Variants in DNER observed in about 807,000 individuals in gnomAD.
The protein encoded by DNER is delta/notch like EGF repeat containing, also known as delta and Notch-like epidermal growth factor-related receptor.
Under a neutral mutation model 78.2 loss-of-function variants are expected in DNER, and 33 were observed. That is an observed-to-expected ratio of 0.42 (90% confidence interval 0.32 to 0.56). The LOEUF (loss-of-function observed/expected upper bound fraction) is 0.56. Ranked by LOEUF, DNER falls within the 20% of genes least tolerant of loss-of-function variation. The probability of loss-of-function intolerance (pLI) is 0.11; values close to 1 mark genes in which losing one functional copy is unlikely to be tolerated. For synonymous variants in DNER, 417 were observed against 384.8 expected (o/e 1.08, Z -0.98); for missense variants, 918 against 975.3 (o/e 0.94, Z 0.78).
intron 7 of DNER, among the ~76,000 whole-genome samples, chr2:229,471,845 A>G (rs1694929915): frequency 6.6e-6 from 1 of 152,198 alleles, no homozygotes; most frequent in Non-Finnish European, 1.5e-5. Context: ...ACCTTGTCAA[A>G]AGAGGTAGGT....
chr2:229,442,111 A>G (rs1320890297), intron 8 of DNER, among the ~76,000 whole-genome samples: 1 of 152,196 alleles, frequency 6.6e-6, no homozygotes, highest in Non-Finnish European at 1.5e-5. Context: ...GAAGGACATG[A>G]GGGCAGGATT....
At chr2:229,359,969 A>G (rs1692176270) in intron 12 of DNER, among the ~76,000 whole-genome samples, 3 of 152,246 alleles carry the variant, frequency 2.0e-5, no homozygotes, top group African/African-American at 7.2e-5. Flanking sequence ...AAAGACTTCA[A>G]TAAATACTTT....
At chr2:229,624,919 C>G (rs1423499174) in intron 1 of DNER, among the ~76,000 whole-genome samples, 1 of 152,186 alleles carries the variant, frequency 6.6e-6, no homozygotes, top group Non-Finnish European at 1.5e-5. Context: ...ATTTCTATTA[C>G]TTCTTTTTTA....
At chr2:229,597,727 C>T (rs77536712) in intron 1 of DNER, among the ~76,000 whole-genome samples, 1 of 152,224 alleles carries the variant, frequency 6.6e-6, no homozygotes, top group African/African-American at 2.4e-5. Flanking sequence ...AGTGAACCAA[C>T]AGGCCCATTT....
intron 4 of DNER, among the ~76,000 whole-genome samples, chr2:229,564,334 C>T (rs1697052092): frequency 6.7e-6 from 1 of 149,772 alleles, no homozygotes; most frequent in Admixed American, 6.6e-5. Context: ...TTCCTCACCC[C>T]ATCACCATCA....
intron 7 of DNER, among the ~76,000 whole-genome samples, chr2:229,450,119 T>C (rs1161091914): frequency 2.0e-5 from 3 of 152,206 alleles, no homozygotes; most frequent in African/African-American, 7.2e-5. Flanking sequence ...ATTATTTTTG[T>C]TCCTCCAGAA....
intron 1 of DNER, among the ~76,000 whole-genome samples, chr2:229,702,686 G>A (rs967455861): frequency 6.6e-6 from 1 of 152,100 alleles, no homozygotes; most frequent in Non-Finnish European, 1.5e-5. Flanking sequence ...GGGAGGCCGA[G>A]GCAGGCGGAT....
intron 7 of DNER, among the ~76,000 whole-genome samples, chr2:229,475,585 C>T (rs1325673326): frequency 6.6e-6 from 1 of 152,212 alleles, no homozygotes; most frequent in Non-Finnish European, 1.5e-5. Context: ...TATATCCTAG[C>T]TCCTGGCACA....
intron 1 of DNER, among the ~76,000 whole-genome samples, chr2:229,649,061 C>T (rs1698768063): frequency 6.6e-6 from 1 of 152,166 alleles, no homozygotes; most frequent in South Asian, 2.1e-4. Context: ...GTCACTGACC[C>T]TTGTAGTTCT....
chr2:229,468,859 G>T (rs1026151542), intron 7 of DNER, among the ~76,000 whole-genome samples: 2 of 152,016 alleles, frequency 1.3e-5, no homozygotes, highest in African/African-American at 2.4e-5. Context: ...CAAAGAAGGG[G>T]CCTCCAATTC....
At chr2:229,619,040 T>C (rs1698211371) in intron 1 of DNER, among the ~76,000 whole-genome samples, 3 of 152,272 alleles carry the variant, frequency 2.0e-5, no homozygotes, top group African/African-American at 2.4e-5. Context: ...CATGTAATTC[T>C]AGCTACTCAA....
intron 10 of DNER, among the ~76,000 whole-genome samples, chr2:229,389,335 A>C (rs1306447677): frequency 6.6e-6 from 1 of 151,902 alleles, no homozygotes; most frequent in Non-Finnish European, 1.5e-5. Context: ...TTTTAAAGCC[A>C]TCATTAAGAG....
At chr2:229,530,061 T>C (rs777631682) in intron 5 of DNER, among the ~76,000 whole-genome samples, 1 of 150,106 alleles carries the variant, frequency 6.7e-6, no homozygotes, top group Non-Finnish European at 1.5e-5. Flanking sequence ...ACTAAAGGAG[T>C]TTAAAAAGCA....
chr2:229,707,303 G>A (rs4972912), intron 1 of DNER, among the ~76,000 whole-genome samples: 20,617 of 151,234 alleles, frequency 0.14, 1,476 homozygotes, highest in Admixed American at 0.18. Context: ...CTAAAGTGCT[G>A]GGATTATAGG....
At chr2:229,500,288 G>C (rs925438418) in intron 6 of DNER, among the ~76,000 whole-genome samples, 1 of 152,100 alleles carries the variant, frequency 6.6e-6, no homozygotes, top group Non-Finnish European at 1.5e-5. Context: ...TATGAAAGAA[G>C]ACTCAAAATC....
intron 1 of DNER, among the ~76,000 whole-genome samples, chr2:229,682,521 G>A (rs1699402990): frequency 6.6e-6 from 1 of 152,056 alleles, no homozygotes; most frequent in Non-Finnish European, 1.5e-5. Flanking sequence ...AAGTTAAACT[G>A]GTTACTTCAT....
In DNER at chr2:229,433,870, C is replaced by T. The variant is rs550227675; in HGVS notation, c.1486+13446G>A. 5.3e-5 allele frequency among the ~76,000 whole-genome samples: 8 copies of T among 151,886 alleles called. No individual in the cohort carries two copies. In the South Asian group the frequency reaches 1.0e-3, roughly 20 times the overall value. On this transcript the variant is annotated intron_variant, in intron 8 of 12. Coordinates refer to ENST00000341772, the MANE Select transcript of DNER (RefSeq NM_139072.4). ...CTTTTTGCATTCCTAATTATCTTGC[C>T]GAAAATTTGCTCTGAAGGTAATTTA...
At chr2:229,478,043 A>G (rs1459882855) in intron 6 of DNER, among the ~76,000 whole-genome samples, 1 of 152,236 alleles carries the variant, frequency 6.6e-6, no homozygotes, top group East Asian at 1.9e-4. Flanking sequence ...AAAAAATAAA[A>G]TGCTAATAAA....
intron 5 of DNER, among the ~76,000 whole-genome samples, chr2:229,543,041 A>ACACCTGAG (rs201497318): frequency 0.019 from 2,914 of 152,250 alleles, 61 homozygotes; most frequent in Non-Finnish European, 0.03. Flanking sequence ...TCTACTAGAA[A>ACACCTGAG]CACCTGAGGT....
Sources: allele counts gnomAD v4.1 joint callset (sites outside exome capture counted in the v4.1 genomes callset), GRCh38; gene constraint gnomAD v4.1.1; transcripts MANE v1.5; gene names NCBI Gene and HGNC (gene_info 2026-07-23, HGNC 2026-07-21).